RPUSD3: variants seen among roughly 807,000 people sequenced by gnomAD.
RPUSD3 encodes mitochondrial mRNA pseudouridine synthase RPUSD3.
RPUSD3 carries 36 observed loss-of-function variants against 35.1 expected under a neutral mutation model. That is an observed-to-expected ratio of 1.02 (90% confidence interval 0.79 to 1.35). RPUSD3 has a LOEUF of 1.35. Ranked by LOEUF, RPUSD3 falls within the 40% of genes most tolerant of loss-of-function variation. The pLI is 0.00. For synonymous variants in RPUSD3, 202 were observed against 187.8 expected, an observed-to-expected ratio of 1.08 and a Z score of -0.62; for missense variants, 486 against 441.9, an observed-to-expected ratio of 1.10 and a Z score of -0.89.
At chr3:9,843,314 G>T (rs1451286760) in intron 2 of RPUSD3, 151 bp downstream of exon 2, 2 of 1,065,504 alleles carry the variant, frequency 1.9e-6, no homozygotes, top group East Asian at 2.4e-5. Flanking sequence ...TTAAAAGCGG[G>T]GAGAGGGTGC....
Position 9,842,091 on chromosome 3 carries a change from TAAGA to T in RPUSD3, c.308-13_308-10del, listed in dbSNP as rs2082112937. The T allele has an allele frequency of 6.2e-7, 1 of 1,609,144 alleles. No individual in the cohort carries two copies. Among genetic ancestry groups the T allele is most frequent in the Non-Finnish European group, 8.5e-7 (1 of 1,176,818 alleles). ...CAGCTCTCCTGGTTTTCCTGGAAAG[TAAGA>T]AAGAAAAATTACAAGAGGCCAAAGC... On this transcript the variant is annotated splice_polypyrimidine_tract_variant and intron_variant, in intron 3 of 8. Coordinates refer to ENST00000383820, the Ensembl canonical transcript of RPUSD3.
intron 8 of RPUSD3, among the ~76,000 whole-genome samples, chr3:9,838,580 TG>T (rs959981870): frequency 6.6e-6 from 1 of 152,182 alleles, no homozygotes; most frequent in African/African-American, 2.4e-5. Context: ...TCCCCTCATC[TG>T]GCTGGGTATC....
At chr3:9,843,284 A>T in intron 2 of RPUSD3, 181 bp downstream of exon 2, 3 of 779,974 alleles carry the variant, frequency 3.8e-6, no homozygotes, top group Non-Finnish European at 6.2e-6. Context: ...TCTTAACCCT[A>T]CTGCATCATG....
exon 2 of RPUSD3, chr3:9,843,581 C>G: frequency 6.2e-7 from 1 of 1,613,732 alleles, no homozygotes. Context: ...TTGGCAGGAG[C>G]CGCGGGGTTG....
intron 7 of RPUSD3, 175 bp from the exon 8 acceptor site, chr3:9,839,346 C>T (rs2082069645): frequency 3.2e-6 from 2 of 616,262 alleles, no homozygotes; most frequent in South Asian, 2.4e-5. Flanking sequence ...CACGTCAGGA[C>T]GATCACAGCT....
At chr3:9,841,199 A>T (rs1199396033) in intron 4 of RPUSD3, 1 of 170,344 alleles carries the variant, frequency 5.9e-6, no homozygotes, top group Non-Finnish European at 1.2e-5. Context: ...AGTATCATGG[A>T]TCGACTAGCA....
intron 8 of RPUSD3, 34 bp downstream of exon 8, chr3:9,838,998 C>G: frequency 3.1e-6 from 5 of 1,613,792 alleles, no homozygotes; most frequent in Non-Finnish European, 4.2e-6. Context: ...TCCCTCCACC[C>G]CTCAGAAAGC....
chr3:9,841,055 G>A (rs2082096443), intron 4 of RPUSD3: 3 of 316,332 alleles, frequency 9.5e-6, no homozygotes, highest in South Asian at 9.8e-5. Flanking sequence ...TCTACCATGT[G>A]CCAGAATTCT....
chr3:9,839,262 C>T, intron 7 of RPUSD3, 91 bp from the exon 8 acceptor site: 2 of 1,441,860 alleles, frequency 1.4e-6, no homozygotes, highest in Non-Finnish European at 1.9e-6. Context: ...TGGGGAAACA[C>T]CACCCCCTTT....
At chr3:9,843,325 A>C in intron 2 of RPUSD3, 140 bp downstream of exon 2, 1 of 1,255,128 alleles carries the variant, frequency 8.0e-7, no homozygotes, top group Non-Finnish European at 1.1e-6. Context: ...GAGAGGGTGC[A>C]AATTAGGTGG....
At chr3:9,842,507 C>G (rs927690944) in intron 2 of RPUSD3, 8 of 551,910 alleles carry the variant, frequency 1.4e-5, no homozygotes, top group Non-Finnish European at 2.0e-5. Context: ...ACGGAGAGGT[C>G]TGAATCTCCA....
chr3:9,841,063 T>C lies in RPUSD3; in HGVS notation c.408-258A>G, dbSNP rs1373320412. 1.3e-5 allele frequency: 4 copies of C among 305,598 alleles called. No homozygotes were observed. In the East Asian group the frequency reaches 3.0e-4, roughly 23 times the overall value. The allele number at this position is 305,598 out of a possible 1,614,324, so 18.9% of individuals were successfully genotyped here. A position where few individuals can be genotyped will look rare whatever the true frequency, so the allele number is the denominator to read the frequency against. ...ACGATTGTCTACCATGTGCCAGAAT[T>C]CTACTAGAAATTCTGTACATATTAG... On this transcript the variant is annotated intron_variant, in intron 4 of 8. Transcript: ENST00000383820.
chr3:9,839,227 C>A, intron 7 of RPUSD3, 56 bp from the exon 8 acceptor site: 5 of 1,561,472 alleles, frequency 3.2e-6, no homozygotes, highest in Non-Finnish European at 4.3e-6. Flanking sequence ...CTGTGCCACC[C>A]AGTATCACTC....
At chr3:9,843,368 G>A in intron 2 of RPUSD3, 97 bp downstream of exon 2, 1 of 1,541,960 alleles carries the variant, frequency 6.5e-7, no homozygotes, top group Non-Finnish European at 8.8e-7. Context: ...GTGGGAGGCA[G>A]AAGCAGGGCT....
intron 2 of RPUSD3, 70 bp downstream of exon 2, chr3:9,843,395 T>C: frequency 6.3e-7 from 1 of 1,594,242 alleles, no homozygotes; most frequent in Non-Finnish European, 8.6e-7. Flanking sequence ...GTGGCTTCAA[T>C]GGAGAGCCCA....
chr3:9,837,920 G>A lies in RPUSD3; in HGVS notation c.*96C>T, dbSNP rs1017724741. The A allele has an allele frequency of 2.2e-6, 3 of 1,341,694 alleles. No individual in the cohort carries two copies. In the African/African-American group the frequency reaches 4.4e-5, roughly 20 times the overall value. The allele number at this position is 1,341,694 out of a possible 1,614,324, so 83.1% of individuals were successfully genotyped here. ...TTGCCCAATGCCACACAGCAAGCAAGTGGCCTGTCCAGGATGTGATCTTAG... is the reference window on the plus strand; with the variant it reads ...TTGCCCAATGCCACACAGCAAGCAAATGGCCTGTCCAGGATGTGATCTTAG... On this transcript the variant is annotated 3_prime_UTR_variant, in exon 9 of 9. Transcript: ENST00000383820.
At chr3:9,841,045 T>C (rs997794640) in intron 4 of RPUSD3, 3 of 338,096 alleles carry the variant, frequency 8.9e-6, no homozygotes, top group African/African-American at 6.4e-5. Flanking sequence ...GTAACGATTG[T>C]CTACCATGTG....
intron 8 of RPUSD3, 91 bp downstream of exon 8, chr3:9,838,941 C>A: frequency 6.3e-7 from 1 of 1,583,224 alleles, no homozygotes; most frequent in Non-Finnish European, 8.6e-7. Flanking sequence ...TCCCAGTAGT[C>A]CCAAGCTGCA....
Position 9,838,042 on chromosome 3 carries a change from G to GT in RPUSD3, c.1029dup (p.Gln344ThrfsTer34). 5.7e-6 allele frequency: 9 copies of GT among 1,589,804 alleles called. No individual in the cohort carries two copies. Among genetic ancestry groups the GT allele is most frequent in the Non-Finnish European group, 7.7e-6 (9 of 1,167,292 alleles). ...TATTGTAAGCGGAGCCCCAGGCACT[G>GT]TAGGGTCCTGGAGAAATAAGGGGGC... is the stretch of plus-strand genomic sequence containing the variant. On this transcript the variant is annotated frameshift_variant, in exon 9 of 9. Transcript: ENST00000383820. LOFTEE classifies it high-confidence loss of function.
Sources: allele counts gnomAD v4.1 joint callset (sites outside exome capture counted in the v4.1 genomes callset), GRCh38; gene constraint gnomAD v4.1.1; transcripts MANE v1.5; gene names NCBI Gene and HGNC (gene_info 2026-07-23, HGNC 2026-07-21).